The following CDK19 variants were observed in gnomAD, a reference collection of about 807,000 sequenced individuals.
CDK19 encodes cyclin-dependent kinase 19.
A neutral mutation model predicts 68.3 loss-of-function variants in CDK19; 20 were observed. The observed-to-expected ratio is 0.29, with a 90% CI of 0.21 to 0.43. The LOEUF (loss-of-function observed/expected upper bound fraction) is 0.43, where lower values mean the gene tolerates loss of function less well. CDK19 is among the 20% of genes least tolerant of loss of function. CDK19 has a pLI of 1.00. For synonymous variants in CDK19, 221 were observed against 222.8 expected, an observed-to-expected ratio of 0.99 and a Z score of 0.07; for missense variants, 339 against 623.5, an observed-to-expected ratio of 0.54 and a Z score of 4.86.
At chr6:110,669,609 T>C (rs1466077032) in intron 3 of CDK19, among the ~76,000 whole-genome samples, 1 of 152,210 alleles carries the variant, frequency 6.6e-6, no homozygotes, top group Non-Finnish European at 1.5e-5. Flanking sequence ...GGCAAGACCT[T>C]GTCTCTATAA....
intron 2 of CDK19, among the ~76,000 whole-genome samples, chr6:110,675,267 G>C (rs1410958001): frequency 6.6e-6 from 1 of 152,156 alleles, no homozygotes; most frequent in Non-Finnish European, 1.5e-5. Context: ...AGGGTTTAAC[G>C]CAACTGGTGA....
intron 1 of CDK19, among the ~76,000 whole-genome samples, chr6:110,799,144 TAAAAAAAAAAA>T (rs369106433): frequency 1.4e-4 from 7 of 49,134 alleles, no homozygotes; most frequent in African/African-American, 1.8e-4. Flanking sequence ...ACCCTGTATT[TAAAAAAAAAAA>T]AAAAAAAAAA....
At chr6:110,647,752 A>C (rs1294370221) in intron 4 of CDK19, among the ~76,000 whole-genome samples, 1 of 152,222 alleles carries the variant, frequency 6.6e-6, no homozygotes, top group Non-Finnish European at 1.5e-5. Context: ...ACACTGTCAA[A>C]TAACAGAAAA....
At chr6:110,789,018 T>C (rs1337738777) in intron 1 of CDK19, among the ~76,000 whole-genome samples, 2 of 152,184 alleles carry the variant, frequency 1.3e-5, no homozygotes, top group African/African-American at 4.8e-5. Flanking sequence ...TACATCCAAC[T>C]TACCAGAGAG....
At chr6:110,677,498 G>A (rs564385813) in intron 2 of CDK19, among the ~76,000 whole-genome samples, 3 of 151,426 alleles carry the variant, frequency 2.0e-5, no homozygotes, top group African/African-American at 4.9e-5. Context: ...CCTGGGAGGC[G>A]GAGCTTGCAG....
chr6:110,748,804 C>G (rs1348397195), intron 1 of CDK19, among the ~76,000 whole-genome samples: 1 of 152,232 alleles, frequency 6.6e-6, no homozygotes, highest in Non-Finnish European at 1.5e-5. Flanking sequence ...AGGAGTTCCT[C>G]CAAGTAGAGG....
chr6:110,775,369 T>G (rs1780328360), intron 1 of CDK19, among the ~76,000 whole-genome samples: 1 of 152,140 alleles, frequency 6.6e-6, no homozygotes, highest in South Asian at 2.1e-4. Flanking sequence ...ATTGGGAATA[T>G]TGGAGAAAAG....
In CDK19 at chr6:110,621,780, C is replaced by G. The variant is rs1778734818; in HGVS notation, c.1110+308G>C. On this transcript the variant is annotated intron_variant, in intron 11 of 12. Transcript: ENST00000368911. The surrounding 1 kb of genome is among the most constrained non-coding windows in gnomAD (Gnocchi z 5.4). ...GTTAAGACGAAAGAACAGAGTGATGCTAGCAAAAGCCAGCCTGCATAAAGG... is the reference window on the plus strand; with the variant it reads ...GTTAAGACGAAAGAACAGAGTGATGGTAGCAAAAGCCAGCCTGCATAAAGG... Among the ~76,000 whole-genome samples the G allele has an allele frequency of 6.6e-6, 1 of 152,146 alleles. No individual in the cohort carries two copies. Among genetic ancestry groups the G allele is most frequent in the Non-Finnish European group, 1.5e-5 (1 of 68,020 alleles).
intron 2 of CDK19, among the ~76,000 whole-genome samples, chr6:110,711,949 G>A (rs1413523458): frequency 6.6e-6 from 1 of 152,178 alleles, no homozygotes; most frequent in African/African-American, 2.4e-5. Context: ...CTCCAGCCTG[G>A]GTGACACTGC....
intron 2 of CDK19, among the ~76,000 whole-genome samples, chr6:110,717,709 G>T (rs1347571290): frequency 6.6e-6 from 1 of 151,908 alleles, no homozygotes; most frequent in Non-Finnish European, 1.5e-5. Context: ...TTTTTGTTTT[G>T]TTTTGTTTTC....
chr6:110,621,195 G>C lies in CDK19; in HGVS notation c.1286C>G (p.Ser429Cys), dbSNP rs531311578. The change falls in exon 12 of 13, where the codon TCC becomes TGC. Residue 429 changes from serine (S) to cysteine (C), a missense_variant. Physicochemically the swap from Ser to Cys is moderately radical, Grantham distance 112 (BLOSUM62 -1). Transcript: ENST00000368911. This position sits in a 1 kb window ranked among gnomAD's most constrained non-coding sequence, Gnocchi z 5.4. ...TGAGLQHSQD[S>C]SLNQVPPNKK... ...GTTTGGAGGCACCTGGTTCAGGCTG[G>C]AGTCCTGGCTGTGCTGCAACCCTGC... 1 of 1,614,066 alleles carries C rather than the reference G, an allele frequency of 6.2e-7. No homozygotes were observed. Among genetic ancestry groups the C allele is most frequent in the African/African-American group, 1.3e-5 (1 of 75,060 alleles).
chr6:110,692,125 C>A (rs1265993318), intron 2 of CDK19, among the ~76,000 whole-genome samples: 2 of 151,464 alleles, frequency 1.3e-5, no homozygotes, highest in African/African-American at 2.4e-5. Flanking sequence ...GAAACCCAGT[C>A]TCTACTAAAA....
At chr6:110,787,827 T>C (rs939792257) in intron 1 of CDK19, among the ~76,000 whole-genome samples, 2 of 152,034 alleles carry the variant, frequency 1.3e-5, no homozygotes, top group African/African-American at 4.8e-5. Flanking sequence ...TGACTGGGTT[T>C]TGCGGTTTTT....
chr6:110,634,381 C>T (rs1779628392), intron 5 of CDK19, among the ~76,000 whole-genome samples: 1 of 152,088 alleles, frequency 6.6e-6, no homozygotes, highest in Non-Finnish European at 1.5e-5. Flanking sequence ...CCATGCCTGG[C>T]TAATTTTTGT....
rs540308537 is a variant in CDK19 at position 110,714,724 on chromosome 6, T to TTC, written c.204+31401_204+31402insGA. 5.9e-3 allele frequency among the ~76,000 whole-genome samples: 405 copies of TTC among 68,368 alleles called. 2 individuals carry two copies. The highest frequency in any genetic ancestry group is 8.2e-3 in the Admixed American group (35 of 4,268). 44.9% of individuals were successfully genotyped at this position (68,368 alleles called of 152,430 possible). A position where few individuals can be genotyped will look rare whatever the true frequency, so the allele number is the denominator to read the frequency against. On this transcript the variant is annotated intron_variant, in intron 2 of 12. Transcript: ENST00000368911. ...TCTTCTTTGGAAAAATGTCTTTTCT[T>TTC]TTTTTTTTTTTTTTTTTTTAATTTT...
chr6:110,718,507 A>G (rs1434098131), intron 2 of CDK19, among the ~76,000 whole-genome samples: 1 of 152,106 alleles, frequency 6.6e-6, no homozygotes, highest in Non-Finnish European at 1.5e-5. Flanking sequence ...GTAGAACAAA[A>G]GCAAAGAGAA....
intron 6 of CDK19, 95 bp from the exon 7 acceptor site, chr6:110,627,240 A>C: frequency 1.2e-6 from 1 of 833,344 alleles, no homozygotes; most frequent in South Asian, 1.8e-5. Flanking sequence ...TTTTCAGTAA[A>C]TCAATATACA....
In CDK19 at chr6:110,724,260, C is replaced by T. The variant is rs199763129; in HGVS notation, c.204+21866G>A. Among the ~76,000 whole-genome samples, 45 of 152,210 alleles carry T rather than the reference C, an allele frequency of 3.0e-4. No individual in the cohort carries two copies. In the East Asian group the frequency reaches 7.3e-3, roughly 25 times the overall value. On this transcript the variant is annotated intron_variant, in intron 2 of 12. Transcript: ENST00000368911. ...TCCCAGCTACTTGGGAAGGCTGAGG[C>T]AGGAGAATCACTTGAACCCGGGAGG...
intron 2 of CDK19, among the ~76,000 whole-genome samples, chr6:110,718,382 G>T (rs1353439117): frequency 6.6e-6 from 1 of 152,118 alleles, no homozygotes; most frequent in Non-Finnish European, 1.5e-5. Flanking sequence ...CAGAGCCCTA[G>T]GAAGAGCTAC....
Sources: allele counts gnomAD v4.1 joint callset (sites outside exome capture counted in the v4.1 genomes callset), GRCh38; gene constraint gnomAD v4.1.1; non-coding constraint Gnocchi (gnomAD v3.1); transcripts MANE v1.5; gene names NCBI Gene and HGNC (gene_info 2026-07-23, HGNC 2026-07-21).